The following CNOT10 variants were observed in gnomAD, a reference collection of about 807,000 sequenced individuals.
CNOT10 encodes CCR4-NOT transcription complex, subunit 10.
Under a neutral mutation model 94.6 loss-of-function variants are expected in CNOT10, and 30 were observed. The ratio of observed to expected loss-of-function variants is 0.32; its 90% CI spans 0.24 to 0.43. The LOEUF (loss-of-function observed/expected upper bound fraction) is 0.43, where lower values mean the gene tolerates loss of function less well. Ranked by LOEUF, CNOT10 falls within the 20% of genes least tolerant of loss-of-function variation. The probability of loss-of-function intolerance (pLI) is 1.00; values close to 1 mark genes in which losing one functional copy is unlikely to be tolerated. For synonymous variants in CNOT10, 289 were observed against 301.6 expected, an observed-to-expected ratio of 0.96 and a Z score of 0.43; for missense variants, 759 against 877.2, an observed-to-expected ratio of 0.87 and a Z score of 1.70.
intron 12 of CNOT10, 63 bp from the exon 13 acceptor site, chr3:32,737,347 A>G: frequency 7.8e-7 from 1 of 1,280,878 alleles, no homozygotes; most frequent in Non-Finnish European, 1.1e-6. Flanking sequence ...CAGGGAAACA[A>G]AATTTTACGT....
intron 4 of CNOT10, among the ~76,000 whole-genome samples, chr3:32,710,523 C>T (rs1188469280): frequency 1.3e-5 from 2 of 152,022 alleles, no homozygotes; most frequent in Non-Finnish European, 2.9e-5. Flanking sequence ...TTAGGGTTCA[C>T]TCTTGGTGTT....
At chr3:32,750,927 A>G (rs573165248) in intron 13 of CNOT10, among the ~76,000 whole-genome samples, 1 of 152,320 alleles carries the variant, frequency 6.6e-6, no homozygotes, top group Non-Finnish European at 1.5e-5. Flanking sequence ...GTTGCTTATT[A>G]TAGAACATCT....
At chr3:32,687,106 G>A (rs1696632401) in intron 1 of CNOT10, among the ~76,000 whole-genome samples, 1 of 152,138 alleles carries the variant, frequency 6.6e-6, no homozygotes, top group African/African-American at 2.4e-5. Flanking sequence ...TTGATATAAG[G>A]TTAAATTTGA....
intron 6 of CNOT10, 50 bp from the exon 7 acceptor site, chr3:32,717,102 CTG>C (rs1263607356): frequency 3.9e-6 from 4 of 1,036,302 alleles, no homozygotes; most frequent in South Asian, 1.5e-5. Context: ...GAAAGTAAAA[CTG>C]TATGTAAATC....
Position 32,727,813 on chromosome 3 carries a change from T to C in CNOT10, c.1158T>C (p.His386=), listed in dbSNP as rs1698748126. The stretch of plus-strand genomic sequence containing the variant: ...TGATTGAAGCTGTTCAGGTTTATCA[T>C]GCAAATCCTCGCCTCTGGCTACGGC... ...ECLIEAVQVY[H]ANPRLWLRLA... is the part of the protein sequence containing the mutation. The change falls in exon 10 of 19, where the codon CAT becomes CAC. Residue 386 remains histidine (H), a synonymous_variant. Transcript: ENST00000328834. 7 of 1,613,732 alleles carry C rather than the reference T, an allele frequency of 4.3e-6. No homozygotes were observed. Among genetic ancestry groups the C allele is most frequent in the African/African-American group, 1.3e-5 (1 of 74,862 alleles).
chr3:32,754,435 C>A (rs1700110206), intron 13 of CNOT10, among the ~76,000 whole-genome samples: 1 of 132,146 alleles, frequency 7.6e-6, no homozygotes, highest in African/African-American at 3.0e-5. Flanking sequence ...CAAGATCGTG[C>A]CACTGCACTC....
chr3:32,703,802 CTG>C, intron 1 of CNOT10, 64 bp from the exon 2 acceptor site: 1 of 1,066,184 alleles, frequency 9.4e-7, no homozygotes, highest in East Asian at 2.4e-5. Flanking sequence ...GAAAGTGAAA[CTG>C]GATAAGGAGG....
At chr3:32,768,050 G>T (rs1218849086) in intron 17 of CNOT10, among the ~76,000 whole-genome samples, 3 of 152,098 alleles carry the variant, frequency 2.0e-5, no homozygotes, top group Non-Finnish European at 2.9e-5. Context: ...GGCCCACCCT[G>T]CCTGGGAGGG....
chr3:32,717,046 GTAAT>G, intron 6 of CNOT10, 104 bp from the exon 7 acceptor site: 2 of 577,412 alleles, frequency 3.5e-6, no homozygotes, highest in South Asian at 5.3e-5. Flanking sequence ...GATTTAGCAA[GTAAT>G]TAGTGTAACT....
At chr3:32,712,884 T>G (rs1697953274) in intron 4 of CNOT10, among the ~76,000 whole-genome samples, 2 of 152,206 alleles carry the variant, frequency 1.3e-5, no homozygotes, top group South Asian at 4.1e-4. Context: ...AAATTTCAGA[T>G]TTCAACATTT....
chr3:32,747,633 C>T (rs892451102), intron 13 of CNOT10, among the ~76,000 whole-genome samples: 11 of 151,762 alleles, frequency 7.2e-5, no homozygotes, highest in African/African-American at 2.2e-4. Context: ...AATTCTCCCA[C>T]GTCAGCCTCC....
chr3:32,688,356 TG>T, intron 1 of CNOT10, among the ~76,000 whole-genome samples: 1 of 152,144 alleles, frequency 6.6e-6, no homozygotes, highest in Non-Finnish European at 1.5e-5. Context: ...CCCAGCATTT[TG>T]GGAGGCTGAG....
At chr3:32,740,423 A>C (rs746155370) in intron 13 of CNOT10, among the ~76,000 whole-genome samples, 2 of 152,122 alleles carry the variant, frequency 1.3e-5, no homozygotes, top group East Asian at 3.9e-4. Flanking sequence ...AGATCGTGCT[A>C]TTGCCTAGAC....
chr3:32,685,601 C>A, intron 1 of CNOT10, 119 bp downstream of exon 1: 3 of 1,096,554 alleles, frequency 2.7e-6, no homozygotes, highest in Non-Finnish European at 4.0e-6. Flanking sequence ...TTTGGGCGTG[C>A]ATTTCTTTAC....
chr3:32,761,495 C>T (rs545440628), intron 14 of CNOT10, among the ~76,000 whole-genome samples: 7 of 152,214 alleles, frequency 4.6e-5, no homozygotes, highest in South Asian at 2.1e-4. Flanking sequence ...TGGGTTCAGG[C>T]GATTCTCCTG....
At chr3:32,772,010 T>A (rs192738588) in intron 18 of CNOT10, among the ~76,000 whole-genome samples, 3 of 152,098 alleles carry the variant, frequency 2.0e-5, no homozygotes, top group Non-Finnish European at 2.9e-5. Context: ...GCTCTAAATA[T>A]GAGATAGCAT....
At position 32,755,319 on chromosome 3, in the gene CNOT10, C is replaced by CTTTT. The variant is rs777391696; in HGVS notation, c.1596-4126_1596-4123dup. On this transcript the variant is annotated intron_variant, in intron 13 of 18. Coordinates refer to ENST00000328834, the MANE Select transcript of CNOT10 (RefSeq NM_015442.3). ...TATTTTCTTTTTTCTTTTTCTTTTT[C>CTTTT]TTTTTTTTTTTTTTTTGAGACAGAG... Among the ~76,000 whole-genome samples, 204 of 131,188 alleles carry CTTTT rather than the reference C, an allele frequency of 1.6e-3. 1 individual carries two copies. Among genetic ancestry groups the CTTTT allele is most frequent in the African/African-American group, 5.0e-3 (177 of 35,622 alleles). 86.1% of individuals were successfully genotyped at this position (131,188 alleles called of 152,430 possible). A position where few individuals can be genotyped will look rare whatever the true frequency, so the allele number is the denominator to read the frequency against.
intron 1 of CNOT10, among the ~76,000 whole-genome samples, chr3:32,702,195 A>G (rs1697384721): frequency 6.6e-6 from 1 of 151,482 alleles, no homozygotes; most frequent in South Asian, 2.1e-4. Flanking sequence ...TCCCAGGTTC[A>G]AGCAATTCTC....
chr3:32,705,896 A>G (rs897104819), intron 3 of CNOT10, among the ~76,000 whole-genome samples: 5 of 152,220 alleles, frequency 3.3e-5, no homozygotes, highest in African/African-American at 1.2e-4. Context: ...TTAAAATTCA[A>G]AAATGAGAAT....
Sources: gnomAD v4.1 joint callset for allele counts (sites outside exome capture counted in the v4.1 genomes callset) on GRCh38, gnomAD v4.1.1 for gene constraint, MANE v1.5 for transcripts, NCBI Gene and HGNC (gene_info 2026-07-23, HGNC 2026-07-21) for gene names.